The following ABHD4 variants were observed in gnomAD, a reference collection of about 807,000 sequenced individuals.
ABHD4 encodes the protein (Lyso)-N-acylphosphatidylethanolamine lipase.
ABHD4 carries 35 observed loss-of-function variants against 42.3 expected under a neutral mutation model. That is an observed-to-expected ratio of 0.83 (90% confidence interval 0.63 to 1.10). The LOEUF (loss-of-function observed/expected upper bound fraction) is 1.10, where lower values mean the gene tolerates loss of function less well. ABHD4 is among the 50% of genes least tolerant of loss of function. The pLI is 0.00. For synonymous variants in ABHD4, 169 were observed against 170.6 expected (o/e 0.99, Z 0.07); for missense variants, 389 against 454.8 (o/e 0.86, Z 1.32).
At position 22,610,968 on chromosome 14, in the gene ABHD4, G is replaced by A. The variant is rs762879730; in HGVS notation, c.*20G>A. ...GATTGAGCTGCTCTCTGAAGAGGAA[G>A]AGGAGAAAGCCAGAGAGTCACTCTT... On this transcript the variant is annotated 3_prime_UTR_variant, in exon 7 of 7. Transcript: ENST00000428304. 1.2e-5 allele frequency: 20 copies of A among 1,609,750 alleles called. No individual in the cohort carries two copies. The highest frequency in any genetic ancestry group is 2.7e-5 in the African/African-American group (2 of 74,840).
Position 22,609,777 on chromosome 14 carries a change from C to G in ABHD4, c.806C>G (p.Pro269Arg), listed in dbSNP as rs150927810. 3.7e-6 allele frequency: 6 copies of G among 1,614,004 alleles called. No homozygotes were observed. Among genetic ancestry groups the G allele is most frequent in the Admixed American group, 3.3e-5 (2 of 59,990 alleles). Residue 269 changes from proline to arginine, a missense_variant, in exon 6 of 7, where the codon CCT (proline) becomes CGT (arginine). By Grantham distance (103) the Pro-to-Arg change is moderately radical (BLOSUM62 -2). Transcript: ENST00000428304. The stretch of plus-strand genomic sequence containing the variant: ...GAGTCCTTTGGCTGGGCCCGGCGCC[C>G]TATGCTGGAGCGAATTCACTTGATT... ...MMESFGWARR[P>R]MLERIHLIRK...
At position 22,611,547 on chromosome 14, in the gene ABHD4, A is replaced by G. The variant is rs2037415108; in HGVS notation, c.*599A>G. 1 of 154,134 alleles carries G rather than the reference A, an allele frequency of 6.5e-6. No homozygotes were observed. The highest frequency in any genetic ancestry group is 1.4e-5 in the Non-Finnish European group (1 of 69,156). The allele number at this position is 154,134 out of a possible 1,614,324, so 9.5% of individuals were successfully genotyped here. On this transcript the variant is annotated 3_prime_UTR_variant, in exon 7 of 7. Transcript: ENST00000428304. ...GGCCAAGGCAGGACATGGCTGGACC[A>G]TGGTGATACAGCTCTGTGTGATTCA...
At chr14:22,603,369 A>T in intron 2 of ABHD4, 21 bp from the exon 3 acceptor site, 1 of 1,613,730 alleles carries the variant, frequency 6.2e-7, no homozygotes, top group Non-Finnish European at 8.5e-7. Flanking sequence ...TTGACTTACC[A>T]TGGGATTCTT....
At chr14:22,603,079 T>C (rs1015799732) in intron 2 of ABHD4, among the ~76,000 whole-genome samples, 14 of 152,196 alleles carry the variant, frequency 9.2e-5, no homozygotes, top group Non-Finnish European at 1.9e-4. Context: ...ATGAAGGAAT[T>C]CTTACTAACT....
intron 4 of ABHD4, among the ~76,000 whole-genome samples, chr14:22,606,198 T>C (rs1458455386): frequency 4.6e-5 from 7 of 152,174 alleles, no homozygotes; most frequent in Admixed American, 3.9e-4. Flanking sequence ...TGTTAGATTG[T>C]CTCTAAATTC....
intron 1 of ABHD4, 180 bp downstream of exon 1, chr14:22,598,509 G>C: frequency 6.6e-7 from 1 of 1,523,948 alleles, no homozygotes; most frequent in Non-Finnish European, 8.8e-7. Flanking sequence ...AAGAGGCAGC[G>C]GCTGAGCCTG....
chr14:22,610,752 C>T, intron 6 of ABHD4, 107 bp from the exon 7 acceptor site: 1 of 832,516 alleles, frequency 1.2e-6, no homozygotes, highest in Non-Finnish European at 2.0e-6. Flanking sequence ...CTGATAAGAG[C>T]TCGTGGGTGG....
At chr14:22,598,824 TGCAAG>T in intron 1 of ABHD4, 1 of 209,196 alleles carries the variant, frequency 4.8e-6, no homozygotes, top group Non-Finnish European at 9.7e-6. Flanking sequence ...ACAACGGGCT[TGCAAG>T]TTTCTTTAGC....
rs1026612803 is a variant in ABHD4 at position 22,612,742 on chromosome 14, A to G, written c.*1794A>G. 4 of 152,238 alleles carry G rather than the reference A, an allele frequency of 2.6e-5. No homozygotes were observed. The highest frequency in any genetic ancestry group is 4.4e-5 in the Non-Finnish European group (3 of 68,074). 9.4% of individuals were successfully genotyped at this position (152,238 alleles called of 1,614,324 possible). A position where few individuals can be genotyped will look rare whatever the true frequency, so the allele number is the denominator to read the frequency against. On this transcript the variant is annotated 3_prime_UTR_variant, in exon 7 of 7. Coordinates refer to ENST00000428304, the MANE Select transcript of ABHD4 (RefSeq NM_022060.3). ...TCTCATCCTCTGGATCTCAGCTCAA[A>G]TATTCCTTATGCAGAGATGCCTTCC...
Position 22,604,061 on chromosome 14 carries a change from C to T in ABHD4, c.622C>T (p.Arg208Ter), listed in dbSNP as rs763873898. ...ACGTTCCAATCCATTGGCTGTTCTTCGAGTAGCTGGGCCCTGGGGTGAGTA... is the reference window on the plus strand; with the variant it reads ...ACGTTCCAATCCATTGGCTGTTCTTTGAGTAGCTGGGCCCTGGGGTGAGTA... ...LGRSNPLAVL[R>*]VAGPWGPGLV... Residue 208 changes from arginine (R) to a stop codon, truncating the protein, a stop_gained, in exon 4 of 7, where the codon CGA (arginine) becomes TGA (stop). Coordinates refer to ENST00000428304, the MANE Select transcript of ABHD4 (RefSeq NM_022060.3). LOFTEE classifies it high-confidence loss of function. 11 of 1,614,040 alleles carry T rather than the reference C, an allele frequency of 6.8e-6. No homozygotes were observed. The highest frequency in any genetic ancestry group is 6.7e-5 in the African/African-American group (5 of 74,910).
intron 2 of ABHD4, 70 bp downstream of exon 2, chr14:22,601,825 C>G: frequency 7.2e-7 from 1 of 1,386,882 alleles, no homozygotes; most frequent in Non-Finnish European, 1.0e-6. Context: ...CTTCCCAGAG[C>G]CTGCTACATT....
chr14:22,610,993 T>TA lies in ABHD4; in HGVS notation c.*46dup, dbSNP rs779288713. 6.5e-7 allele frequency: 1 copy of TA among 1,549,616 alleles called. No homozygotes were observed. The highest frequency in any genetic ancestry group is 1.4e-5 in the African/African-American group (1 of 73,708). The stretch of plus-strand genomic sequence containing the variant: ...GAGGAGAAAGCCAGAGAGTCACTCT[T>TA]ACCTCCCTGTCTGCTTACTCACCCA... On this transcript the variant is annotated 3_prime_UTR_variant, in exon 7 of 7. Transcript: ENST00000428304.
intron 2 of ABHD4, among the ~76,000 whole-genome samples, chr14:22,602,656 T>G (rs2037299217): frequency 6.6e-6 from 1 of 152,238 alleles, no homozygotes; most frequent in South Asian, 2.1e-4. Context: ...TCTGTGGGGT[T>G]GGTGGTGTCA....
intron 2 of ABHD4, among the ~76,000 whole-genome samples, chr14:22,602,638 G>T (rs1404591667): frequency 6.6e-6 from 1 of 152,220 alleles, no homozygotes; most frequent in Non-Finnish European, 1.5e-5. Flanking sequence ...AGCAATAGAT[G>T]CAAGAGCTCT....
At chr14:22,599,355 TAGG>T (rs898053863) in intron 1 of ABHD4, among the ~76,000 whole-genome samples, 4 of 152,150 alleles carry the variant, frequency 2.6e-5, no homozygotes, top group African/African-American at 9.7e-5. Flanking sequence ...CCATAGAAAT[TAGG>T]AGACTTGCCC....
rs1025059341 is a variant in ABHD4 at position 22,610,088 on chromosome 14, G to A, written c.939+178G>A. Among the ~76,000 whole-genome samples the A allele has an allele frequency of 4.0e-5, 6 of 151,670 alleles. 1 individual carries two copies. Among genetic ancestry groups the A allele is most frequent in the Middle Eastern group, 6.8e-3 (2 of 294 alleles). ...CTTTTTTTTTTCGTGATGGAGTCTC[G>A]CTATTGTTGCCCAGGCTGGAGGGCA... On this transcript the variant is annotated intron_variant, in intron 6 of 6. Transcript: ENST00000428304.
chr14:22,604,440 C>T (rs1245390278), intron 4 of ABHD4, among the ~76,000 whole-genome samples: 1 of 152,120 alleles, frequency 6.6e-6, no homozygotes, highest in Non-Finnish European at 1.5e-5. Flanking sequence ...TTAGTAGAGA[C>T]GGGGTTTCAT....
chr14:22,608,695 T>TTTTG (rs879710586), intron 5 of ABHD4, among the ~76,000 whole-genome samples: 45 of 152,298 alleles, frequency 3.0e-4, no homozygotes, highest in Non-Finnish European at 4.4e-4. Flanking sequence ...TTAAGTTGTT[T>TTTTG]TTTGTTTGTT....
rs142586290 is a variant in ABHD4 at position 22,609,773 on chromosome 14, C to T, written c.802C>T (p.Arg268Cys). The T allele has an allele frequency of 3.2e-5, 52 of 1,613,996 alleles. No homozygotes were observed. Among genetic ancestry groups the T allele is most frequent in the Middle Eastern group, 1.6e-4 (1 of 6,064 alleles). Residue 268 changes from arginine (R) to cysteine (C), a missense_variant, in exon 6 of 7, where the codon CGC becomes TGC. Transcript: ENST00000428304. ...AMMESFGWAR[R>C]PMLERIHLIR... ...GATGGAGTCCTTTGGCTGGGCCCGG[C>T]GCCCTATGCTGGAGCGAATTCACTT...
Sources: gnomAD v4.1 joint callset for allele counts (sites outside exome capture counted in the v4.1 genomes callset) on GRCh38, gnomAD v4.1.1 for gene constraint, MANE v1.5 for transcripts, NCBI Gene and HGNC (gene_info 2026-07-23, HGNC 2026-07-21) for gene names.